The following CYB5R1 variants were observed in gnomAD, a reference collection of about 807,000 sequenced individuals.
The protein encoded by CYB5R1 is NADH-cytochrome b5 reductase 1.
In CYB5R1, 32 loss-of-function variants were observed where a neutral mutation model predicts 37.4. The ratio of observed to expected loss-of-function variants is 0.86; its 90% CI spans 0.65 to 1.15. CYB5R1 has a LOEUF of 1.15. CYB5R1 is among the 50% of genes most tolerant of loss of function. The pLI, the probability that CYB5R1 is intolerant of heterozygous loss-of-function variation, is 0.00. For missense variants in CYB5R1, 345 were observed against 382.5 expected (o/e 0.90, Z 0.82); for synonymous variants, 159 against 155.2 (o/e 1.02, Z -0.18).
intron 4 of CYB5R1, 134 bp from the exon 5 acceptor site, chr1:202,965,634 TTTC>T (rs374266770): frequency 0.016 from 11,019 of 684,284 alleles, 62 homozygotes; most frequent in East Asian, 0.027. Context: ...ACTTTCTTTC[TTTC>T]TTTTTTTTTT....
At chr1:202,963,968 C>T in intron 6 of CYB5R1, 1 of 384,834 alleles carries the variant, frequency 2.6e-6, no homozygotes, top group Non-Finnish European at 4.6e-6. Flanking sequence ...ATCTAAGACT[C>T]TTCTGAAAGT....
Position 202,964,621 on chromosome 1 carries a change from C to T in CYB5R1, c.550G>A (p.Gly184Ser), listed in dbSNP as rs368682605. 4.2e-5 allele frequency: 68 copies of T among 1,612,424 alleles called. No homozygotes were observed. The highest frequency in any genetic ancestry group is 1.7e-4 in the Middle Eastern group (1 of 5,866). Residue 184 changes from glycine (G) to serine (S), a missense_variant, in exon 6 of 9, where the codon GGC (glycine) becomes AGC (serine). Gly to Ser is a moderately conservative substitution (Grantham distance 56, BLOSUM62 0). Coordinates refer to ENST00000367249, the MANE Select transcript of CYB5R1 (RefSeq NM_016243.3). ...CCTCAGTGTAATGCACCTGTCCCGCCGGCAATCATTCCCAGTTTCTTCGCC... is the reference window on the plus strand; with the variant it reads ...CCTCAGTGTAATGCACCTGTCCCGCTGGCAATCATTCCCAGTTTCTTCGCC... ...RVAKKLGMIAGGTGITPMLQL... is the reference protein window; with the variant it reads ...RVAKKLGMIASGTGITPMLQL...
At position 202,963,946 on chromosome 1, in the gene CYB5R1, T is replaced by C. The variant is rs1655041061; in HGVS notation, c.560-219A>G. 5 of 439,224 alleles carry C rather than the reference T, an allele frequency of 1.1e-5. No homozygotes were observed. In the South Asian group the frequency reaches 2.3e-4, roughly 20 times the overall value. 27.2% of individuals were successfully genotyped at this position (439,224 alleles called of 1,614,324 possible). On this transcript the variant is annotated intron_variant, in intron 6 of 8. Coordinates refer to ENST00000367249, the MANE Select transcript of CYB5R1 (RefSeq NM_016243.3). ...TCTAAGTTCATATTGTAGAAATCTT[T>C]CTTAGGAACTAATCTAAGACTCTTC...
In CYB5R1 at chr1:202,962,672, G is replaced by A; in HGVS notation, c.773C>T (p.Thr258Ile). The change falls in exon 9 of 9, where the codon ACT (threonine) becomes ATT (isoleucine). Residue 258 changes from threonine to isoleucine, a missense_variant. Thr to Ile is a moderately conservative substitution (Grantham distance 89). Transcript: ENST00000367249. Reference protein sequence around the residue: ...KDWAYSKGFVTADMIREHLPA... With the variant: ...KDWAYSKGFVIADMIREHLPA... ...CAGGTGTTCCCGGATCATGTCGGCA[G>A]TCACAAAGCCCTTGCTGTAGGCCCA... 3.7e-6 allele frequency: 6 copies of A among 1,614,170 alleles called. No homozygotes were observed. Among genetic ancestry groups the A allele is most frequent in the Non-Finnish European group, 4.2e-6 (5 of 1,180,036 alleles).
At chr1:202,966,209 C>A in intron 3 of CYB5R1, 1 of 595,756 alleles carries the variant, frequency 1.7e-6, no homozygotes. Flanking sequence ...CTGCCAGTTA[C>A]TGCCAGGACC....
intron 4 of CYB5R1, 36 bp downstream of exon 4, chr1:202,965,851 G>A (rs764024481): frequency 7.1e-7 from 1 of 1,408,916 alleles, no homozygotes; most frequent in African/African-American, 1.4e-5. Context: ...AGAAAGAATG[G>A]GTAAGCAGCC....
chr1:202,965,419 C>T lies in CYB5R1; in HGVS notation c.427G>A (p.Val143Met). ...CCGCTTGGCCCCCGAAACTCCACCA[C>T]ATCCCCAACCTTCAGGCTATCCAGG... ...QYLDSLKVGD[V>M]VEFRGPSGLL... Residue 143 changes from valine to methionine, a missense_variant, in exon 5 of 9, where the codon GTG (valine) becomes ATG (methionine). Coordinates refer to ENST00000367249, the MANE Select transcript of CYB5R1 (RefSeq NM_016243.3). 2.5e-6 allele frequency: 4 copies of T among 1,607,596 alleles called. No individual in the cohort carries two copies. The highest frequency in any genetic ancestry group is 3.4e-6 in the Non-Finnish European group (4 of 1,176,852).
chr1:202,966,907 A>G lies in CYB5R1; in HGVS notation c.16-9T>C. On this transcript the variant is annotated splice_polypyrimidine_tract_variant and intron_variant, in intron 1 of 8. Transcript: ENST00000367249. ...GCCAGCAGGACGGGGCTCTGTGGGT[A>G]GAGGAGGCAGCGTGACCGCCAGGCT... The G allele has an allele frequency of 6.3e-7, 1 of 1,598,628 alleles. No homozygotes were observed. Among genetic ancestry groups the G allele is most frequent in the African/African-American group, 1.3e-5 (1 of 74,794 alleles).
chr1:202,962,505 C>T lies in CYB5R1; in HGVS notation c.*22G>A, dbSNP rs748025829. ...GATGGGGAACAACTGCAGCGAACAG[C>T]ACCAGGGAAGCTGGAGGATGCTCAG... On this transcript the variant is annotated 3_prime_UTR_variant, in exon 9 of 9. Coordinates refer to ENST00000367249, the MANE Select transcript of CYB5R1 (RefSeq NM_016243.3). 1.3e-6 allele frequency: 2 copies of T among 1,589,820 alleles called. No individual in the cohort carries two copies. The highest frequency in any genetic ancestry group is 2.3e-5 in the South Asian group (2 of 87,718).
chr1:202,966,099 G>T, intron 3 of CYB5R1, 106 bp from the exon 4 acceptor site: 1 of 778,274 alleles, frequency 1.3e-6, no homozygotes, highest in Non-Finnish European at 2.2e-6. Flanking sequence ...TCCTGCTGTG[G>T]TCCCAAGGAG....
At chr1:202,963,603 GC>G in intron 7 of CYB5R1, 38 bp downstream of exon 7, 1 of 1,473,310 alleles carries the variant, frequency 6.8e-7, no homozygotes, top group Non-Finnish European at 9.3e-7. Context: ...TACCCACACA[GC>G]AACTTTGAAG....
rs778800269 is a variant in CYB5R1 at position 202,966,872 on chromosome 1, C to A, written c.42G>T (p.Gly14=). Residue 14 remains glycine (G), a synonymous_variant, in exon 2 of 9, where the codon GGG becomes GGT. Transcript: ENST00000367249. ...QTSPVLLASL[G]VGLVTLLGLA... The stretch of plus-strand genomic sequence containing the variant: ...GGCCGAGCAGAGTGACCAGCCCCAC[C>A]CCCAGGGAGGCCAGCAGGACGGGGC... 1.2e-6 allele frequency: 2 copies of A among 1,612,920 alleles called. No individual in the cohort carries two copies. The highest frequency in any genetic ancestry group is 3.3e-5 in the Admixed American group (2 of 59,804).
At position 202,963,659 on chromosome 1, in the gene CYB5R1, G is replaced by T. The variant is rs1285367110; in HGVS notation, c.628C>A (p.Leu210Met). The T allele has an allele frequency of 6.2e-7, 1 of 1,608,764 alleles. No individual in the cohort carries two copies. The highest frequency in any genetic ancestry group is 1.7e-5 in the Admixed American group (1 of 59,472). ...KVPEDPTQCF[L>M]LFANQTEKDI... Reference sequence around the variant, plus strand: ...AAACCAACCTGGTTGGCAAAAAGCAGAAAGCACTGGGTTGGATCTTCAGGG... The same window carrying T: ...AAACCAACCTGGTTGGCAAAAAGCATAAAGCACTGGGTTGGATCTTCAGGG... Residue 210 changes from leucine to methionine, a missense_variant, in exon 7 of 9, where the codon CTG becomes ATG. By Grantham distance (15) the Leu-to-Met change is conservative. Coordinates refer to ENST00000367249, the MANE Select transcript of CYB5R1 (RefSeq NM_016243.3).
intron 7 of CYB5R1, 64 bp downstream of exon 7, chr1:202,963,578 C>A (rs1238967002): frequency 7.9e-7 from 1 of 1,262,316 alleles, no homozygotes; most frequent in East Asian, 2.5e-5. Context: ...CCATCCATAC[C>A]ACGTCTCTCA....
intron 1 of CYB5R1, 74 bp downstream of exon 1, chr1:202,967,117 C>T: frequency 7.1e-6 from 11 of 1,558,460 alleles, no homozygotes; most frequent in South Asian, 1.1e-5. Flanking sequence ...GCGACAGCCC[C>T]TGGTCCGGAG....
intron 5 of CYB5R1, 94 bp from the exon 6 acceptor site, chr1:202,964,789 T>C: frequency 1.1e-6 from 1 of 878,404 alleles, no homozygotes; most frequent in Non-Finnish European, 1.9e-6. Context: ...CTGAGGCCAG[T>C]TGAGCAGCTG....
Position 202,962,332 on chromosome 1 carries a change from C to A in CYB5R1, c.*195G>T. On this transcript the variant is annotated 3_prime_UTR_variant, in exon 9 of 9. Transcript: ENST00000367249. ...GTTGCCACGGGGAGATTTAGGAGGC[C>A]ATCCAAGGAGTGACTGAGCCTTGGC... is the stretch of plus-strand genomic sequence containing the variant. 1 of 634,558 alleles carries A rather than the reference C, an allele frequency of 1.6e-6. No individual in the cohort carries two copies. The highest frequency in any genetic ancestry group is 2.6e-6 in the Non-Finnish European group (1 of 390,178). The allele number at this position is 634,558 out of a possible 1,614,324, so 39.3% of individuals were successfully genotyped here.
At chr1:202,965,183 G>T in intron 5 of CYB5R1, 188 bp downstream of exon 5, 1 of 630,978 alleles carries the variant, frequency 1.6e-6, no homozygotes. Flanking sequence ...AAGTGGAGGA[G>T]GAACTGCTTC....
At chr1:202,965,329 G>A in intron 5 of CYB5R1, 42 bp downstream of exon 5, 1 of 1,533,772 alleles carries the variant, frequency 6.5e-7, no homozygotes, top group African/African-American at 1.4e-5. Flanking sequence ...TATGGGAACT[G>A]ATAAAGTGGG....
Sources: gnomAD v4.1 joint callset for allele counts on GRCh38, gnomAD v4.1.1 for gene constraint, MANE v1.5 for transcripts, NCBI Gene and HGNC (gene_info 2026-07-23, HGNC 2026-07-21) for gene names.